The following SNAPC3 variants were observed in gnomAD, a reference collection of about 807,000 sequenced individuals.
SNAPC3 encodes the protein small nuclear RNA activating complex polypeptide 3, also known as snRNA-activating protein complex subunit 3.
SNAPC3 carries 56 observed loss-of-function variants against 47.7 expected under a neutral mutation model. The observed-to-expected ratio is 1.18, with a 90% confidence interval of 0.95 to 1.47. The LOEUF is 1.47. Among genes scored for constraint, SNAPC3 ranks in the 40% most tolerant of loss-of-function variants. The pLI, the probability that SNAPC3 is intolerant of heterozygous loss-of-function variation, is 0.00. For missense variants in SNAPC3, 665 were observed against 511.3 expected, an observed-to-expected ratio of 1.30 and a Z score of -2.90; for synonymous variants, 235 against 189.9, an observed-to-expected ratio of 1.24 and a Z score of -1.95.
intron 3 of SNAPC3, among the ~76,000 whole-genome samples, chr9:15,440,831 C>G (rs2033270092): frequency 6.6e-6 from 1 of 151,994 alleles, no homozygotes; most frequent in African/African-American, 2.4e-5. Context: ...TGTCTGTAGT[C>G]CCAGCTACTT....
chr9:15,439,120 C>A (rs1367286215), intron 3 of SNAPC3, among the ~76,000 whole-genome samples: 1 of 151,928 alleles, frequency 6.6e-6, no homozygotes, highest in East Asian at 1.9e-4. Flanking sequence ...AGTTATCTTC[C>A]CACCTCCACC....
rs367794354 is a variant in SNAPC3 at position 15,427,638 on chromosome 9, C to T, written c.392+3652C>T. 2.0e-4 allele frequency among the ~76,000 whole-genome samples: 30 copies of T among 152,336 alleles called. No individual in the cohort carries two copies. The East Asian group carries it at 4.6e-3, about 24-fold the overall frequency. ...CTGGTATTACAGGCGTGAGCCACGA[C>T]GCCCAGCCCTTCAGCAACATTACTT... is the stretch of plus-strand genomic sequence containing the variant. On this transcript the variant is annotated intron_variant, in intron 2 of 8. Coordinates refer to ENST00000380821, the MANE Select transcript of SNAPC3 (RefSeq NM_001039697.2).
intron 1 of SNAPC3, 145 bp downstream of exon 1, chr9:15,423,338 C>T (rs2030851218): frequency 1.2e-6 from 1 of 814,260 alleles, no homozygotes; most frequent in Non-Finnish European, 1.8e-6. Context: ...TTTCAACCCG[C>T]TGGAGCCTTC....
downstream of SNAPC3, chr9:15,463,385 CG>C (rs929571752): frequency 6.6e-6 from 1 of 150,904 alleles, no homozygotes; most frequent in African/African-American, 2.4e-5. Context: ...CCACTGCGCC[CG>C]GCTGATGTAT....
chr9:15,445,835 G>T (rs2033886602), intron 4 of SNAPC3, among the ~76,000 whole-genome samples: 1 of 152,126 alleles, frequency 6.6e-6, no homozygotes, highest in Non-Finnish European at 1.5e-5. Context: ...TGTAGTCCCA[G>T]TTACTAAGGA....
chr9:15,435,338 C>T (rs143108646), intron 3 of SNAPC3, among the ~76,000 whole-genome samples: 1,895 of 152,196 alleles, frequency 0.012, 21 homozygotes, highest in Non-Finnish European at 0.02. Context: ...TTTGGGAGGC[C>T]GAGGTGGGTG....
chr9:15,451,913 A>T (rs1587370805), intron 6 of SNAPC3, among the ~76,000 whole-genome samples: 2 of 152,172 alleles, frequency 1.3e-5, no homozygotes, highest in East Asian at 3.9e-4. Context: ...CCATACTTTC[A>T]TTATCAATGT....
intron 5 of SNAPC3, among the ~76,000 whole-genome samples, chr9:15,449,150 A>G (rs1423390411): frequency 6.6e-6 from 1 of 152,102 alleles, no homozygotes; most frequent in South Asian, 2.1e-4. Context: ...TCTTCTGCAA[A>G]GTTTTTTAAC....
At chr9:15,457,453 G>T (rs1655006892) in intron 7 of SNAPC3, among the ~76,000 whole-genome samples, 1 of 152,032 alleles carries the variant, frequency 6.6e-6, no homozygotes, top group Admixed American at 6.6e-5. Flanking sequence ...AAATTATCTG[G>T]GTGTGGTGGT....
intron 5 of SNAPC3, among the ~76,000 whole-genome samples, chr9:15,449,240 C>T (rs1220683470): frequency 6.6e-6 from 1 of 152,126 alleles, no homozygotes; most frequent in African/African-American, 2.4e-5. Flanking sequence ...ACCCTCTTCA[C>T]TCCAACCATC....
Position 15,460,945 on chromosome 9 carries a change from CTG to C in SNAPC3, c.*1082_*1083del, listed in dbSNP as rs1563857620. 1.3e-5 allele frequency: 2 copies of C among 152,056 alleles called. No homozygotes were observed. Among genetic ancestry groups the C allele is most frequent in the Non-Finnish European group, 1.5e-5 (1 of 68,026 alleles). 9.4% of individuals were successfully genotyped at this position (152,056 alleles called of 1,614,324 possible). A position where few individuals can be genotyped will look rare whatever the true frequency, so the allele number is the denominator to read the frequency against. ...AAAAACAATAGCAGATTTCGTATGACTGTGGGGACATGGAAAAATCAAGATCC... is the reference window on the plus strand; with the variant it reads ...AAAAACAATAGCAGATTTCGTATGACTGGGGACATGGAAAAATCAAGATCC... On this transcript the variant is annotated 3_prime_UTR_variant, in exon 9 of 9. Coordinates refer to ENST00000380821, the MANE Select transcript of SNAPC3 (RefSeq NM_001039697.2).
At chr9:15,434,450 C>G (rs2032546219) in intron 3 of SNAPC3, among the ~76,000 whole-genome samples, 1 of 151,262 alleles carries the variant, frequency 6.6e-6, no homozygotes, top group Non-Finnish European at 1.5e-5. Flanking sequence ...CTGTGTCGCC[C>G]AGGCTGGAGT....
intron 7 of SNAPC3, among the ~76,000 whole-genome samples, chr9:15,457,375 G>T (rs1305597644): frequency 1.3e-5 from 2 of 152,044 alleles, no homozygotes; most frequent in African/African-American, 2.4e-5. Flanking sequence ...TGGGAGGATC[G>T]CTTGAGACCA....
At position 15,437,025 on chromosome 9, in the gene SNAPC3, G is replaced by A. The variant is rs907681035; in HGVS notation, c.477+3389G>A. Among the ~76,000 whole-genome samples, 23 of 151,244 alleles carry A rather than the reference G, an allele frequency of 1.5e-4. No homozygotes were observed. In the East Asian group the frequency reaches 3.5e-3, roughly 23 times the overall value. ...TTTTTAATATAGATGGGGTTTCTCC[G>A]TGTTGGCCAAACTGGTCTCCAACTC... On this transcript the variant is annotated intron_variant, in intron 3 of 8. Transcript: ENST00000380821.
chr9:15,456,301 C>T (rs1255785289), intron 7 of SNAPC3, among the ~76,000 whole-genome samples: 1 of 152,140 alleles, frequency 6.6e-6, no homozygotes, highest in Non-Finnish European at 1.5e-5. Flanking sequence ...AGAGCCACTG[C>T]GCCTGGCCTT....
intron 7 of SNAPC3, chr9:15,453,604 T>C (rs2034557765): frequency 6.5e-6 from 1 of 154,694 alleles, no homozygotes. Flanking sequence ...GGAGGAAGAG[T>C]AATTCTAATA....
chr9:15,430,612 T>A (rs2032014767), intron 2 of SNAPC3, among the ~76,000 whole-genome samples: 6 of 152,180 alleles, frequency 3.9e-5, no homozygotes, highest in Admixed American at 3.9e-4. Flanking sequence ...TCCAACAATA[T>A]GAAAATACAT....
chr9:15,425,113 C>G (rs1387704306), intron 2 of SNAPC3, among the ~76,000 whole-genome samples: 1 of 152,176 alleles, frequency 6.6e-6, no homozygotes, highest in African/African-American at 2.4e-5. Flanking sequence ...CACATATATC[C>G]CAAATTTGCC....
intron 2 of SNAPC3, among the ~76,000 whole-genome samples, chr9:15,426,111 C>T (rs1391512299): frequency 6.6e-6 from 1 of 152,182 alleles, no homozygotes; most frequent in Non-Finnish European, 1.5e-5. Context: ...ACCTCGGCCT[C>T]CCAAAGTGTT....
Sources: gnomAD v4.1 joint callset for allele counts (sites outside exome capture counted in the v4.1 genomes callset) on GRCh38, gnomAD v4.1.1 for gene constraint, MANE v1.5 for transcripts, NCBI Gene and HGNC (gene_info 2026-07-23, HGNC 2026-07-21) for gene names.